The following TRPC7 variants were observed in gnomAD, a reference collection of about 807,000 sequenced individuals.
The protein encoded by TRPC7 is transient receptor potential cation channel subfamily C member 7.
A neutral mutation model predicts 90.1 loss-of-function variants in TRPC7; 42 were observed. The ratio of observed to expected loss-of-function variants is 0.47; its 90% CI spans 0.36 to 0.60. The LOEUF (loss-of-function observed/expected upper bound fraction) is 0.60. TRPC7 is among the 20% of genes least tolerant of loss of function. TRPC7 has a pLI of 0.00. For synonymous variants in TRPC7, 451 were observed against 436.3 expected (o/e 1.03, Z -0.42); for missense variants, 955 against 1,112.3 (o/e 0.86, Z 2.01).
At chr5:136,257,600 T>C (rs891757880) in intron 5 of TRPC7, among the ~76,000 whole-genome samples, 1 of 152,076 alleles carries the variant, frequency 6.6e-6, no homozygotes, top group African/African-American at 2.4e-5. Flanking sequence ...ATAGGAAATA[T>C]TAAAAAAAAT....
Position 136,213,480 on chromosome 5 carries a change from G to C in TRPC7, c.2544C>G (p.Asn848Lys). 1.2e-6 allele frequency: 2 copies of C among 1,614,034 alleles called. No individual in the cohort carries two copies. The highest frequency in any genetic ancestry group is 1.7e-6 in the Non-Finnish European group (2 of 1,179,884). The stretch of plus-strand genomic sequence containing the variant: ...TCACCCTCAGGTGGTCTTTGTTTAA[G>C]TTCTTTCCAAACTTCTCGCTGAGTT... The part of the protein sequence containing the change: ...IQQLSEKFGK[N>K]LNKDHLRVNK... Residue 848 changes from asparagine (N) to lysine (K), a missense_variant, in exon 12 of 12, where the codon AAC (asparagine) becomes AAG (lysine). Asn to Lys is a moderately conservative substitution (Grantham distance 94, BLOSUM62 0). This residue lies in a region of TRPC7 where 296 missense variants were observed against 422.7 expected (regional missense o/e 0.70). Transcript: ENST00000513104.
At chr5:136,253,894 G>A (rs151179773) in intron 5 of TRPC7, among the ~76,000 whole-genome samples, 1 of 152,208 alleles carries the variant, frequency 6.6e-6, no homozygotes, top group African/African-American at 2.4e-5. Flanking sequence ...TTTTGTGCCA[G>A]ACATCTAAGT....
At chr5:136,354,475 G>T (rs780232038) in intron 2 of TRPC7, among the ~76,000 whole-genome samples, 2 of 152,104 alleles carry the variant, frequency 1.3e-5, no homozygotes, top group Admixed American at 6.5e-5. Flanking sequence ...GCAACCTCCT[G>T]TTGGCCTGGC....
chr5:136,326,741 T>G (rs1434502569), intron 2 of TRPC7, among the ~76,000 whole-genome samples: 1 of 152,162 alleles, frequency 6.6e-6, no homozygotes, highest in Admixed American at 6.5e-5. Flanking sequence ...AGAATTATAT[T>G]TTACCAGGGT....
rs1386938758 is a variant in TRPC7, at chr5:136,216,195, T to A, written c.2419+5A>T. 1 of 1,610,314 alleles carries A rather than the reference T, an allele frequency of 6.2e-7. No individual in the cohort carries two copies. Among genetic ancestry groups the A allele is most frequent in the Admixed American group, 1.7e-5 (1 of 59,718 alleles). ...CACCACGTGGGTGGAAATCCAGTCA[T>A]TTACCTTCATTGACTTCGTCATTTT... On this transcript the variant is annotated splice_donor_5th_base_variant and intron_variant, in intron 11 of 11. Transcript: ENST00000513104.
intron 10 of TRPC7, among the ~76,000 whole-genome samples, chr5:136,218,996 G>A (rs974273693): frequency 1.2e-4 from 18 of 152,236 alleles, no homozygotes; most frequent in African/African-American, 4.1e-4. Flanking sequence ...TCATGGCTGA[G>A]ACTTCATCTG....
At chr5:136,234,643 G>GT (rs1275680289) in intron 7 of TRPC7, among the ~76,000 whole-genome samples, 1 of 152,132 alleles carries the variant, frequency 6.6e-6, no homozygotes, top group East Asian at 1.9e-4. Flanking sequence ...CTTCTAAGCT[G>GT]TTAAGGCCCT....
chr5:136,287,394 G>A (rs1213157502), intron 3 of TRPC7, among the ~76,000 whole-genome samples: 1 of 151,992 alleles, frequency 6.6e-6, no homozygotes, highest in East Asian at 1.9e-4. Context: ...CTGAGACCAG[G>A]AAAGGGGAGT....
intron 2 of TRPC7, among the ~76,000 whole-genome samples, chr5:136,343,512 GAACA>G (rs1759909525): frequency 6.6e-6 from 1 of 152,150 alleles, no homozygotes; most frequent in African/African-American, 2.4e-5. Flanking sequence ...AGAAGAATCT[GAACA>G]GACAGGCCTT....
intron 5 of TRPC7, among the ~76,000 whole-genome samples, chr5:136,264,017 G>C (rs1365040226): frequency 6.6e-6 from 1 of 152,142 alleles, no homozygotes; most frequent in Non-Finnish European, 1.5e-5. Context: ...CTCTAGGAAA[G>C]AAAAAGTAAT....
chr5:136,359,959 AGT>A (rs1760517597), intron 1 of TRPC7, among the ~76,000 whole-genome samples: 2 of 152,204 alleles, frequency 1.3e-5, no homozygotes, highest in African/African-American at 2.4e-5. Context: ...GCATCTGAGC[AGT>A]GTGTCAGATA....
Position 136,234,985 on chromosome 5 carries a change from G to A in TRPC7, c.1845-3436C>T, listed in dbSNP as rs552153073. Among the ~76,000 whole-genome samples, 21 of 151,948 alleles carry A rather than the reference G, an allele frequency of 1.4e-4. No individual in the cohort carries two copies. In the South Asian group the frequency reaches 4.4e-3, roughly 32 times the overall value. ...TCTGAATGGAATTGAAGAGTTAAATGTTAAAAAAAAAATTCATGGTAAAAA... is the reference window on the plus strand; with the variant it reads ...TCTGAATGGAATTGAAGAGTTAAATATTAAAAAAAAAATTCATGGTAAAAA... On this transcript the variant is annotated intron_variant, in intron 7 of 11. Transcript: ENST00000513104.
At chr5:136,309,889 C>T (rs964490848) in intron 3 of TRPC7, among the ~76,000 whole-genome samples, 1 of 152,222 alleles carries the variant, frequency 6.6e-6, no homozygotes, top group Non-Finnish European at 1.5e-5. Context: ...TCCATCTTCA[C>T]CCCTCCTGTT....
chr5:136,325,726 C>T (rs968657148), intron 2 of TRPC7, among the ~76,000 whole-genome samples: 6 of 151,694 alleles, frequency 4.0e-5, no homozygotes, highest in Non-Finnish European at 7.4e-5. Flanking sequence ...TGCTGACTTC[C>T]TAAAAGAAAA....
intron 3 of TRPC7, among the ~76,000 whole-genome samples, chr5:136,304,284 C>G (rs921667723): frequency 6.6e-6 from 1 of 152,044 alleles, no homozygotes; most frequent in Non-Finnish European, 1.5e-5. Context: ...TCACCCTTAC[C>G]CCGCTCAATG....
chr5:136,275,466 C>T (rs1016294447), intron 3 of TRPC7, among the ~76,000 whole-genome samples: 2 of 152,028 alleles, frequency 1.3e-5, no homozygotes, highest in African/African-American at 4.8e-5. Flanking sequence ...GTTAAAACTC[C>T]TCAATATTTT....
chr5:136,223,631 AG>A (rs1755533506), intron 10 of TRPC7, among the ~76,000 whole-genome samples: 1 of 151,704 alleles, frequency 6.6e-6, no homozygotes, highest in Admixed American at 6.6e-5. Context: ...AAATAAATAA[AG>A]TAAAAAAAAA....
At chr5:136,345,346 A>G (rs934830382) in intron 2 of TRPC7, among the ~76,000 whole-genome samples, 14 of 152,294 alleles carry the variant, frequency 9.2e-5, no homozygotes, top group Admixed American at 6.5e-5. Flanking sequence ...ACCTGAGGTC[A>G]GGAGTTTGAG....
intron 7 of TRPC7, among the ~76,000 whole-genome samples, chr5:136,242,887 C>T (rs1337317049): frequency 6.6e-6 from 1 of 152,200 alleles, no homozygotes; most frequent in African/African-American, 2.4e-5. Flanking sequence ...TCTGTTAAGG[C>T]TGCTCATACT....
Sources: allele counts gnomAD v4.1 joint callset (sites outside exome capture counted in the v4.1 genomes callset), GRCh38; gene constraint gnomAD v4.1.1; regional missense constraint gnomAD v4.1.1; transcripts MANE v1.5; gene names NCBI Gene and HGNC (gene_info 2026-07-23, HGNC 2026-07-21).